Variants in PPARGC1A observed in about 807,000 individuals in gnomAD.
PPARGC1A encodes the protein peroxisome proliferator-activated receptor gamma coactivator 1-alpha.
A neutral mutation model predicts 88.7 loss-of-function variants in PPARGC1A; 25 were observed. The ratio of observed to expected loss-of-function variants is 0.28; its 90% CI spans 0.21 to 0.39. The LOEUF (loss-of-function observed/expected upper bound fraction) is 0.39. Among genes scored for constraint, PPARGC1A ranks in the 10% least tolerant of loss-of-function variants. The pLI is 1.00. For synonymous variants in PPARGC1A, 363 were observed against 355.6 expected, an observed-to-expected ratio of 1.02 and a Z score of -0.24; for missense variants, 880 against 968.7, an observed-to-expected ratio of 0.91 and a Z score of 1.22.
chr4:24,094,431 C>T, the PPARGC1A span, among the ~76,000 whole-genome samples: 5 of 152,210 alleles, frequency 3.3e-5, no homozygotes, highest in Non-Finnish European at 7.3e-5. Flanking sequence ...TCTCACACTT[C>T]ACTATTTTCT....
chr4:23,865,655 C>A (rs1321729105), intron 2 of PPARGC1A, among the ~76,000 whole-genome samples: 1 of 152,170 alleles, frequency 6.6e-6, no homozygotes, highest in Non-Finnish European at 1.5e-5. Flanking sequence ...GTGTTAGACA[C>A]CTTTCCACCT....
the PPARGC1A span, among the ~76,000 whole-genome samples, chr4:24,360,087 G>A: frequency 6.6e-6 from 1 of 152,022 alleles, no homozygotes; most frequent in Non-Finnish European, 1.5e-5. Context: ...GCTCAATGTT[G>A]AAATACATCC....
At chr4:24,409,682 G>A in the PPARGC1A span, among the ~76,000 whole-genome samples, 3 of 152,172 alleles carry the variant, frequency 2.0e-5, no homozygotes, top group African/African-American at 7.2e-5. Context: ...CAGGGAGGAT[G>A]TGCTGGGGTG....
intron 7 of PPARGC1A, among the ~76,000 whole-genome samples, chr4:23,820,984 T>C (rs1001736323): frequency 1.1e-4 from 16 of 152,128 alleles, no homozygotes; most frequent in Non-Finnish European, 1.5e-5. Context: ...ATATAAATGC[T>C]ATTTCTACCC....
chr4:24,141,402 C>A, the PPARGC1A span, among the ~76,000 whole-genome samples: 1 of 152,212 alleles, frequency 6.6e-6, no homozygotes, highest in South Asian at 2.1e-4. Flanking sequence ...AGCGTTGACT[C>A]TATGCTTAAA....
chr4:24,071,022 T>C, the PPARGC1A span, among the ~76,000 whole-genome samples: 3 of 152,222 alleles, frequency 2.0e-5, no homozygotes, highest in Admixed American at 6.5e-5. Flanking sequence ...AATTATGTTT[T>C]CTTTCAGCAT....
the PPARGC1A span, among the ~76,000 whole-genome samples, chr4:24,016,859 G>A: frequency 1.4e-3 from 209 of 152,286 alleles, no homozygotes; most frequent in African/African-American, 4.8e-3. Context: ...ATTAGGAGCT[G>A]TTTCATAGCA....
intron 1 of PPARGC1A, among the ~76,000 whole-genome samples, chr4:23,886,830 C>T (rs1716981308): frequency 1.4e-5 from 2 of 144,126 alleles, no homozygotes; most frequent in South Asian, 4.5e-4. Context: ...GCAAGATACA[C>T]TAGGATTTTA....
chr4:24,202,111 CAA>C, the PPARGC1A span, among the ~76,000 whole-genome samples: 3 of 151,954 alleles, frequency 2.0e-5, no homozygotes, highest in African/African-American at 7.2e-5. Flanking sequence ...CATGTTGGCC[CAA>C]GTGATCCACC....
the PPARGC1A span, among the ~76,000 whole-genome samples, chr4:24,279,829 G>A: frequency 6.6e-6 from 1 of 152,120 alleles, no homozygotes; most frequent in Non-Finnish European, 1.5e-5. Context: ...ATGTGCTCAG[G>A]ATGTGCAATT....
chr4:24,187,792 G>A, the PPARGC1A span, among the ~76,000 whole-genome samples: 1 of 152,168 alleles, frequency 6.6e-6, no homozygotes, highest in Non-Finnish European at 1.5e-5. Context: ...GTCTAGCAGA[G>A]GAGATAATGT....
chr4:23,969,168 G>C, the PPARGC1A span, among the ~76,000 whole-genome samples: 1 of 152,182 alleles, frequency 6.6e-6, no homozygotes, highest in East Asian at 1.9e-4. Flanking sequence ...GTGAGTCTAA[G>C]ATTCAAGTCT....
the PPARGC1A span, among the ~76,000 whole-genome samples, chr4:24,297,670 G>A: frequency 6.6e-6 from 1 of 152,098 alleles, no homozygotes. Context: ...GAAGGAAGTG[G>A]AAGCAGTGAG....
chr4:24,455,922 A>G, the PPARGC1A span, among the ~76,000 whole-genome samples: 26 of 152,326 alleles, frequency 1.7e-4, no homozygotes, highest in African/African-American at 5.8e-4. Flanking sequence ...ATAGCAACAC[A>G]AAATGAACTA....
chr4:23,947,683 A>C, the PPARGC1A span, among the ~76,000 whole-genome samples: 1 of 151,830 alleles, frequency 6.6e-6, no homozygotes, highest in South Asian at 2.1e-4. Context: ...TGGAGACTGC[A>C]CTCCATGGAG....
intron 10 of PPARGC1A, among the ~76,000 whole-genome samples, chr4:23,806,086 G>C (rs558107791): frequency 6.6e-6 from 1 of 151,964 alleles, no homozygotes; most frequent in African/African-American, 2.4e-5. Context: ...AAACCGAAGG[G>C]GTGTTCCACA....
chr4:24,457,843 G>A, the PPARGC1A span, among the ~76,000 whole-genome samples: 1 of 152,092 alleles, frequency 6.6e-6, no homozygotes, highest in Non-Finnish European at 1.5e-5. Context: ...GATTACAGGC[G>A]TGAGCCACCG....
chr4:24,421,213 A>C, the PPARGC1A span, among the ~76,000 whole-genome samples: 2 of 152,182 alleles, frequency 1.3e-5, no homozygotes, highest in Non-Finnish European at 2.9e-5. Context: ...ATAAACAGAA[A>C]ATTTTTTAGC....
At chr4:24,031,125 T>C in the PPARGC1A span, among the ~76,000 whole-genome samples, 1 of 152,142 alleles carries the variant, frequency 6.6e-6, no homozygotes, top group South Asian at 2.1e-4. Flanking sequence ...CTCTTTACTA[T>C]GTCCCTGGCA....
Sources: allele counts gnomAD v4.1 joint callset (sites outside exome capture counted in the v4.1 genomes callset), GRCh38; gene constraint gnomAD v4.1.1; transcripts MANE v1.5; gene names NCBI Gene and HGNC (gene_info 2026-07-23, HGNC 2026-07-21).